The following CD9 variants were observed in gnomAD, a reference collection of about 807,000 sequenced individuals.
CD9 encodes the protein CD9 molecule.
In CD9, 10 loss-of-function variants were observed where a neutral mutation model predicts 31.4. That is an observed-to-expected ratio of 0.32 (90% confidence interval 0.20 to 0.54). The LOEUF (loss-of-function observed/expected upper bound fraction) is 0.54, where lower values mean the gene tolerates loss of function less well. Ranked by LOEUF, CD9 falls within the 20% of genes least tolerant of loss-of-function variation. The pLI, the probability that CD9 is intolerant of heterozygous loss-of-function variation, is 0.94. For missense variants in CD9, 259 were observed against 300.1 expected (o/e 0.86, Z 1.01); for synonymous variants, 113 against 114.1 (o/e 0.99, Z 0.06).
At position 6,229,492 on chromosome 12, in the gene CD9, T is replaced by C. The variant is rs537779474; in HGVS notation, c.176-3140T>C. On this transcript the variant is annotated intron_variant, in intron 2 of 7. Coordinates refer to ENST00000009180, the MANE Select transcript of CD9 (RefSeq NM_001769.4). ...ACAGCGTGTGGCAAATGGAATTCCA[T>C]TGTGGCACTTATTCCCGTGAACTCG... 2.8e-4 allele frequency among the ~76,000 whole-genome samples: 42 copies of C among 152,304 alleles called. No individual in the cohort carries two copies. In the South Asian group the frequency reaches 5.6e-3, roughly 20 times the overall value.
At chr12:6,212,845 G>A (rs927010249) in intron 1 of CD9, among the ~76,000 whole-genome samples, 9 of 152,152 alleles carry the variant, frequency 5.9e-5, no homozygotes, top group Non-Finnish European at 1.2e-4. Context: ...TTAAGTGTAT[G>A]TGTGGACCCC....
At position 6,232,626 on chromosome 12, in the gene CD9, C is replaced by T. The variant is rs1450029657; in HGVS notation, c.176-6C>T. Reference sequence around the variant, plus strand: ...ACGCGTGTGTGCTTCCTCTGTCCTCCCGCAGGAGTCTATATTCTGATCGGA... The same window carrying T: ...ACGCGTGTGTGCTTCCTCTGTCCTCTCGCAGGAGTCTATATTCTGATCGGA... On this transcript the variant is annotated splice_region_variant and splice_polypyrimidine_tract_variant and intron_variant, in intron 2 of 7. Transcript: ENST00000009180. The surrounding 1 kb of genome is among the most constrained non-coding windows in gnomAD (Gnocchi z 4.8). 1 of 1,555,050 alleles carries T rather than the reference C, an allele frequency of 6.4e-7. No homozygotes were observed. Among genetic ancestry groups the T allele is most frequent in the South Asian group, 1.2e-5 (1 of 84,896 alleles).
At chr12:6,209,274 A>T (rs1258097491) in intron 1 of CD9, among the ~76,000 whole-genome samples, 1 of 152,058 alleles carries the variant, frequency 6.6e-6, no homozygotes, top group Non-Finnish European at 1.5e-5. Flanking sequence ...GTAGCTTTTC[A>T]AGTCAATAGA....
At chr12:6,218,483 C>A (rs1238665507) in intron 1 of CD9, among the ~76,000 whole-genome samples, 3 of 152,182 alleles carry the variant, frequency 2.0e-5, no homozygotes, top group Admixed American at 6.5e-5. Context: ...TTTCAGCACA[C>A]CTACTTCAAG....
intron 1 of CD9, among the ~76,000 whole-genome samples, chr12:6,209,135 A>C (rs1011110074): frequency 6.6e-6 from 1 of 151,708 alleles, no homozygotes; most frequent in East Asian, 1.9e-4. Flanking sequence ...CGCCCAGCTA[A>C]TTTTTGTATT....
intron 1 of CD9, among the ~76,000 whole-genome samples, chr12:6,223,671 G>A (rs1296508343): frequency 3.9e-5 from 6 of 152,076 alleles, no homozygotes; most frequent in Admixed American, 1.3e-4. Flanking sequence ...TTGTGTACGT[G>A]AATTCAAGCC....
rs377159375 is a variant in CD9, at chr12:6,207,950, C to T, written c.66+7385C>T. Among the ~76,000 whole-genome samples, 8 of 152,186 alleles carry T rather than the reference C, an allele frequency of 5.3e-5. No individual in the cohort carries two copies. The East Asian group carries it at 7.7e-4, about 15-fold the overall frequency. ...TAGAAAAGTAACCCTTCAGGCCAGG[C>T]GCGGTGGCTCACGCCTATAATCCCA... On this transcript the variant is annotated intron_variant, in intron 1 of 7. Transcript: ENST00000009180.
chr12:6,231,345 C>T lies in CD9; in HGVS notation c.176-1287C>T, dbSNP rs143549017. Among the ~76,000 whole-genome samples the T allele has an allele frequency of 3.0e-4, 46 of 152,342 alleles. No homozygotes were observed. In the East Asian group the frequency reaches 3.7e-3, roughly 12 times the overall value. On this transcript the variant is annotated intron_variant, in intron 2 of 7. Coordinates refer to ENST00000009180, the MANE Select transcript of CD9 (RefSeq NM_001769.4). ...GGGCATTATTGCTACTCCTGTTTTACAGATAGAAAACTGTTGCACAGAGAG... is the reference window on the plus strand; with the variant it reads ...GGGCATTATTGCTACTCCTGTTTTATAGATAGAAAACTGTTGCACAGAGAG...
chr12:6,200,589 G>A, intron 1 of CD9, 24 bp downstream of exon 1: 1 of 1,563,198 alleles, frequency 6.4e-7, no homozygotes, highest in South Asian at 1.1e-5. Context: ...ACTGCCGCGC[G>A]CTCCTCTCAG....
chr12:6,200,894 T>C (rs2136594263), intron 1 of CD9: 1 of 254,076 alleles, frequency 3.9e-6, no homozygotes, highest in Non-Finnish European at 7.4e-6. Context: ...TGCTCCCAGC[T>C]CAAGTCCCTC....
At chr12:6,235,358 C>T (rs530834906) in intron 5 of CD9, 31 bp downstream of exon 5, 64 of 1,614,026 alleles carry the variant, frequency 4.0e-5, no homozygotes, top group South Asian at 7.7e-5. Flanking sequence ...CACCCTCCTG[C>T]GCTTTCTCCG....
intron 6 of CD9, 194 bp downstream of exon 6, chr12:6,235,759 C>G: frequency 6.4e-6 from 9 of 1,406,266 alleles, no homozygotes; most frequent in Non-Finnish European, 7.4e-6. Context: ...AAAGGCCGGA[C>G]CAGGGGAATG....
Position 6,200,466 on chromosome 12 carries a change from C to T in CD9, c.-34C>T. ...CAGCTGCGCGCGCCCCCCAGTCCCG[C>T]ACCCGTTCGGCCCAGGCTAAGTTAG... is the stretch of plus-strand genomic sequence containing the variant. On this transcript the variant is annotated 5_prime_UTR_variant, in exon 1 of 8. Transcript: ENST00000009180. The T allele has an allele frequency of 6.5e-7, 1 of 1,534,092 alleles. No individual in the cohort carries two copies. The highest frequency in any genetic ancestry group is 9.0e-7 in the Non-Finnish European group (1 of 1,108,406).
intron 1 of CD9, among the ~76,000 whole-genome samples, chr12:6,213,408 CG>C (rs1326614715): frequency 6.6e-5 from 10 of 152,234 alleles, no homozygotes; most frequent in African/African-American, 2.2e-4. Flanking sequence ...TTGGGGAAGA[CG>C]GATAAAGAAG....
chr12:6,225,614 C>A, intron 2 of CD9, 80 bp downstream of exon 2: 2 of 875,354 alleles, frequency 2.3e-6, no homozygotes, highest in Admixed American at 1.9e-5. Context: ...CCATGTTGAC[C>A]CAGGGACTTG....
intron 1 of CD9, 179 bp downstream of exon 1, chr12:6,200,744 G>A: frequency 2.1e-6 from 1 of 479,900 alleles, no homozygotes; most frequent in South Asian, 3.3e-5. Flanking sequence ...AGAGCCGGGC[G>A]GGACGGCCGC....
chr12:6,214,348 T>TTTTTC (rs1946221525), intron 1 of CD9, among the ~76,000 whole-genome samples: 3 of 127,270 alleles, frequency 2.4e-5, no homozygotes, highest in Non-Finnish European at 4.9e-5. Flanking sequence ...TAGCCTCTTT[T>TTTTTC]TTTTTTTTTT....
rs1346413405 is a variant in CD9, at chr12:6,232,402, C to T, written c.176-230C>T. ...AGAAGGGCTGAGGGTAAGGTAGGAG[C>T]GTGAGCTTGATGAAGCAGAGTCATG... On this transcript the variant is annotated intron_variant, in intron 2 of 7. Coordinates refer to ENST00000009180, the MANE Select transcript of CD9 (RefSeq NM_001769.4). The surrounding 1 kb of genome is among the most constrained non-coding windows in gnomAD (Gnocchi z 4.8). 1.5e-5 allele frequency: 9 copies of T among 595,040 alleles called. No individual in the cohort carries two copies. Among genetic ancestry groups the T allele is most frequent in the Non-Finnish European group, 2.7e-5 (9 of 333,452 alleles). The allele number at this position is 595,040 out of a possible 1,614,324, so 36.9% of individuals were successfully genotyped here. A position where few individuals can be genotyped will look rare whatever the true frequency, so the allele number is the denominator to read the frequency against.
chr12:6,225,517 A>G lies in CD9; in HGVS notation c.158A>G (p.Asn53Ser), dbSNP rs141057083. Residue 53 changes from asparagine (N) to serine (S), a missense_variant, in exon 2 of 8, where the codon AAT becomes AGT. By Grantham distance (46) the Asn-to-Ser change is conservative. Coordinates refer to ENST00000009180, the MANE Select transcript of CD9 (RefSeq NM_001769.4). ...SIFEQETNNN[N>S]SSFYTGVYIL... ...TTCGAGCAAGAAACTAATAATAATA[A>G]TTCCAGCTTCTACACAGGTGAGGGA... 3 of 1,605,440 alleles carry G rather than the reference A, an allele frequency of 1.9e-6. No homozygotes were observed. The African/African-American group carries it at 4.0e-5, about 21-fold the overall frequency.
Sources: allele counts gnomAD v4.1 joint callset (sites outside exome capture counted in the v4.1 genomes callset), GRCh38; gene constraint gnomAD v4.1.1; non-coding constraint Gnocchi (gnomAD v3.1); transcripts MANE v1.5; gene names NCBI Gene and HGNC (gene_info 2026-07-23, HGNC 2026-07-21).